Variants in TMUB2 observed in about 807,000 individuals in gnomAD.
TMUB2 encodes transmembrane and ubiquitin-like domain-containing protein 2.
A neutral mutation model predicts 20.2 loss-of-function variants in TMUB2; 19 were observed. The ratio of observed to expected loss-of-function variants is 0.94; its 90% CI spans 0.66 to 1.38. The LOEUF (loss-of-function observed/expected upper bound fraction) is 1.38. Among genes scored for constraint, TMUB2 ranks in the 40% most tolerant of loss-of-function variants. The probability of loss-of-function intolerance (pLI) is 0.00; values close to 1 mark genes in which losing one functional copy is unlikely to be tolerated. For missense variants in TMUB2, 426 were observed against 402.5 expected, an observed-to-expected ratio of 1.06 and a Z score of -0.50; for synonymous variants, 186 against 166.0, an observed-to-expected ratio of 1.12 and a Z score of -0.92.
In TMUB2 at chr17:44,191,834, C is replaced by A; in HGVS notation, c.*970C>A. 1.5e-6 allele frequency: 1 copy of A among 666,444 alleles called. No homozygotes were observed. The highest frequency in any genetic ancestry group is 1.9e-6 in the Non-Finnish European group (1 of 538,862). 41.3% of individuals were successfully genotyped at this position (666,444 alleles called of 1,614,324 possible). A position where few individuals can be genotyped will look rare whatever the true frequency, so the allele number is the denominator to read the frequency against. The stretch of plus-strand genomic sequence containing the variant: ...AACGGGAGATGCAGTTTATTTACAC[C>A]AGCAGCCATGGGGGCAGAGGGAATA... On this transcript the variant is annotated 3_prime_UTR_variant, in exon 4 of 4. Coordinates refer to ENST00000538716, the MANE Select transcript of TMUB2 (RefSeq NM_001076674.3).
Position 44,191,154 on chromosome 17 carries a change from T to A in TMUB2, c.*290T>A. 1 of 1,149,590 alleles carries A rather than the reference T, an allele frequency of 8.7e-7. No homozygotes were observed. The highest frequency in any genetic ancestry group is 1.1e-6 in the Non-Finnish European group (1 of 931,162). The allele number at this position is 1,149,590 out of a possible 1,614,324, so 71.2% of individuals were successfully genotyped here. ...TGCTGGCCAAGCTCAGTGGGGAGCC[T>A]GGGCTCTGAGATTCCCTCCCACCTG... On this transcript the variant is annotated 3_prime_UTR_variant, in exon 4 of 4. Coordinates refer to ENST00000538716, the MANE Select transcript of TMUB2 (RefSeq NM_001076674.3).
intron 2 of TMUB2, chr17:44,188,760 C>G: frequency 2.3e-6 from 1 of 435,918 alleles, no homozygotes; most frequent in East Asian, 3.9e-5. Flanking sequence ...CCTGCTGATC[C>G]ACACTCATTG....
Position 44,189,541 on chromosome 17 carries a change from G to A in TMUB2, c.555G>A (p.Glu185=), listed in dbSNP as rs753887263. 2.5e-6 allele frequency: 4 copies of A among 1,612,558 alleles called. No homozygotes were observed. Among genetic ancestry groups the A allele is most frequent in the Non-Finnish European group, 3.4e-6 (4 of 1,179,260 alleles). The change falls in exon 3 of 4, where the codon GAG becomes GAA. Residue 185 remains glutamate, a synonymous_variant. Coordinates refer to ENST00000538716, the MANE Select transcript of TMUB2 (RefSeq NM_001076674.3). The stretch of plus-strand genomic sequence containing the variant: ...GGCTCAAATTCCTCAATGATACCGA[G>A]GAGCTGGCTGTGGCTAGGCCAGAGG... ...TVRLKFLNDT[E]ELAVARPEDT...
In TMUB2 at chr17:44,189,069, T is replaced by G; in HGVS notation, c.83T>G (p.Leu28Arg). 5 of 1,614,034 alleles carry G rather than the reference T, an allele frequency of 3.1e-6. No individual in the cohort carries two copies. The highest frequency in any genetic ancestry group is 4.2e-6 in the Non-Finnish European group (5 of 1,179,994). Reference sequence around the variant, plus strand: ...GCCATGGAGCTCTCTGATGTCACCCTCATTGAGGGTGTGGGTAATGAGGTG... The same window carrying G: ...GCCATGGAGCTCTCTGATGTCACCCGCATTGAGGGTGTGGGTAATGAGGTG... ...SQAMELSDVT[L>R]IEGVGNEVMV... Residue 28 changes from leucine to arginine, a missense_variant, in exon 3 of 4, where the codon CTC becomes CGC. Coordinates refer to ENST00000538716, the MANE Select transcript of TMUB2 (RefSeq NM_001076674.3).
At position 44,191,652 on chromosome 17, in the gene TMUB2, T is replaced by C; in HGVS notation, c.*788T>C. On this transcript the variant is annotated 3_prime_UTR_variant, in exon 4 of 4. Coordinates refer to ENST00000538716, the MANE Select transcript of TMUB2 (RefSeq NM_001076674.3). ...ACTCCAAGGACTGGGTATGGATTGC[T>C]GGGCCCTAGGCTCTTGCTTCTGGGG... The C allele has an allele frequency of 3.0e-6, 3 of 985,832 alleles. No homozygotes were observed. The highest frequency in any genetic ancestry group is 3.6e-6 in the Non-Finnish European group (3 of 829,944). The allele number at this position is 985,832 out of a possible 1,614,324, so 61.1% of individuals were successfully genotyped here. A position where few individuals can be genotyped will look rare whatever the true frequency, so the allele number is the denominator to read the frequency against.
In TMUB2 at chr17:44,190,482, A is replaced by G. The variant is rs752944282; in HGVS notation, c.603-19A>G. ...TTCCTCACCCTCTATCTTTTCTTCC[A>G]TGTCTTTCATCCTTACAGCAAATAC... is the stretch of plus-strand genomic sequence containing the variant. On this transcript the variant is annotated intron_variant, in intron 3 of 3. Transcript: ENST00000538716. 5.7e-6 allele frequency: 9 copies of G among 1,568,456 alleles called. No homozygotes were observed. The highest frequency in any genetic ancestry group is 7.8e-6 in the Non-Finnish European group (9 of 1,154,386).
chr17:44,191,341 G>A lies in TMUB2; in HGVS notation c.*477G>A, dbSNP rs115478072. 6.4e-4 allele frequency: 629 copies of A among 989,334 alleles called. 10 individuals are homozygous for A. The African/African-American group carries it at 9.4e-3, about 15-fold the overall frequency. The allele number at this position is 989,334 out of a possible 1,614,324, so 61.3% of individuals were successfully genotyped here. ...CTTTTGAGACTGAAATCACACTGGC[G>A]GGAATGAAGATTGTGCCAGCCTTCT... On this transcript the variant is annotated 3_prime_UTR_variant, in exon 4 of 4. Coordinates refer to ENST00000538716, the MANE Select transcript of TMUB2 (RefSeq NM_001076674.3).
chr17:44,191,854 G>C lies in TMUB2; in HGVS notation c.*990G>C, dbSNP rs2055652934. On this transcript the variant is annotated 3_prime_UTR_variant, in exon 4 of 4. Transcript: ENST00000538716. ...TACACCAGCAGCCATGGGGGCAGAG[G>C]GAATACACAGCGTTTACAAAGTTAG... is the stretch of plus-strand genomic sequence containing the variant. The C allele has an allele frequency of 2.1e-6, 1 of 474,252 alleles. No homozygotes were observed. Among genetic ancestry groups the C allele is most frequent in the African/African-American group, 2.1e-5 (1 of 46,738 alleles). The allele number at this position is 474,252 out of a possible 1,614,324, so 29.4% of individuals were successfully genotyped here.
Position 44,190,643 on chromosome 17 carries a change from G to A in TMUB2, c.745G>A (p.Val249Ile). ...CCACCGCTCACCCCCAGGGTCAGCTGTTCCAGGCCCCTCAGCCTCCTTGGC... is the reference window on the plus strand; with the variant it reads ...CCACCGCTCACCCCCAGGGTCAGCTATTCCAGGCCCCTCAGCCTCCTTGGC... ...HCHRSPPGSA[V>I]PGPSASLAPS... The change falls in exon 4 of 4, where the codon GTT (valine) becomes ATT (isoleucine). Residue 249 changes from valine (V) to isoleucine (I), a missense_variant. Coordinates refer to ENST00000538716, the MANE Select transcript of TMUB2 (RefSeq NM_001076674.3). 6.2e-7 allele frequency: 1 copy of A among 1,614,252 alleles called. No individual in the cohort carries two copies. Among genetic ancestry groups the A allele is most frequent in the Non-Finnish European group, 8.5e-7 (1 of 1,180,052 alleles).
Position 44,189,904 on chromosome 17 carries a change from A to ATTG in TMUB2, c.602+316_602+317insTTG, listed in dbSNP as rs2144338905. On this transcript the variant is annotated intron_variant, in intron 3 of 3. Coordinates refer to ENST00000538716, the MANE Select transcript of TMUB2 (RefSeq NM_001076674.3). ...CGCACGCCTGCAATCCCAGCTACTC[A>ATTG]GGAGGCTGAGGCAGGAGAATCGCTT... is the stretch of plus-strand genomic sequence containing the variant. 2 of 207,756 alleles carry ATTG rather than the reference A, an allele frequency of 9.6e-6. 1 individual carries two copies. The highest frequency in any genetic ancestry group is 4.6e-5 in the African/African-American group (2 of 43,118). 12.9% of individuals were successfully genotyped at this position (207,756 alleles called of 1,614,324 possible). A position where few individuals can be genotyped will look rare whatever the true frequency, so the allele number is the denominator to read the frequency against.
rs758913206 is a variant in TMUB2 at position 44,190,901 on chromosome 17, C to T, written c.*37C>T. 6 of 1,560,874 alleles carry T rather than the reference C, an allele frequency of 3.8e-6. 1 individual carries two copies. The highest frequency in any genetic ancestry group is 3.7e-5 in the Admixed American group (2 of 54,452). ...GAAAATGAAAGGCATGGTCTTTCTC[C>T]TTTACGGCCTCCCCACTTTTCCTGG... On this transcript the variant is annotated 3_prime_UTR_variant, in exon 4 of 4. Transcript: ENST00000538716.
At position 44,191,579 on chromosome 17, in the gene TMUB2, G is replaced by A. The variant is rs1173801384; in HGVS notation, c.*715G>A. The A allele has an allele frequency of 2.0e-6, 2 of 985,948 alleles. No homozygotes were observed. Among genetic ancestry groups the A allele is most frequent in the African/African-American group, 1.7e-5 (1 of 57,262 alleles). 61.1% of individuals were successfully genotyped at this position (985,948 alleles called of 1,614,324 possible). Reference sequence around the variant, plus strand: ...CTGCTGCTCCCGTAGTCCTCAGGCTGTAAGCAAGAGACAGCACTGGCCCTT... The same window carrying A: ...CTGCTGCTCCCGTAGTCCTCAGGCTATAAGCAAGAGACAGCACTGGCCCTT... On this transcript the variant is annotated 3_prime_UTR_variant, in exon 4 of 4. Coordinates refer to ENST00000538716, the MANE Select transcript of TMUB2 (RefSeq NM_001076674.3).
In TMUB2 at chr17:44,189,208, C is replaced by T. The variant is rs756840587; in HGVS notation, c.222C>T (p.Gly74=). ...NQLLGAIVSA[G]DTSVLHLGHV... ...TCCTGGGCGCTATTGTGTCAGCAGG[C>T]GACACATCCGTCCTCCACCTGGGGC... is the stretch of plus-strand genomic sequence containing the variant. Residue 74 remains glycine (G), a synonymous_variant, in exon 3 of 4, where the codon GGC becomes GGT. Transcript: ENST00000538716. 2.2e-5 allele frequency: 35 copies of T among 1,613,814 alleles called. No individual in the cohort carries two copies. The highest frequency in any genetic ancestry group is 4.5e-5 in the East Asian group (2 of 44,900).
At chr17:44,188,219 A>G (rs1236957165) in intron 2 of TMUB2, among the ~76,000 whole-genome samples, 1 of 152,160 alleles carries the variant, frequency 6.6e-6, no homozygotes, top group Non-Finnish European at 1.5e-5. Context: ...AGACTGAGAT[A>G]TGGATTGTGA....
Position 44,189,453 on chromosome 17 carries a change from A to T in TMUB2, c.467A>T (p.Glu156Val). ...GCAGGTGCAGGCAGCAGCAGTCCAG[A>T]GGCCCCCCTGAGATCTGAGGATAGC... is the stretch of plus-strand genomic sequence containing the variant. ...RQAGAGSSSP[E>V]APLRSEDSTC... Residue 156 changes from glutamate (E) to valine (V), a missense_variant, in exon 3 of 4, where the codon GAG becomes GTG. By Grantham distance (121) the Glu-to-Val change is moderately radical. Coordinates refer to ENST00000538716, the MANE Select transcript of TMUB2 (RefSeq NM_001076674.3). 1.2e-6 allele frequency: 2 copies of T among 1,614,096 alleles called. No homozygotes were observed. Among genetic ancestry groups the T allele is most frequent in the Non-Finnish European group, 1.7e-6 (2 of 1,179,996 alleles).
At position 44,190,715 on chromosome 17, in the gene TMUB2, C is replaced by T; in HGVS notation, c.817C>T (p.Leu273Phe). ...PPSLGVNVGS[L>F]MVPVFVVLLG... is the part of the protein sequence containing the mutation. ...CAGCCTTGGTGTCAATGTGGGCAGC[C>T]TCATGGTGCCTGTCTTTGTGGTGCT... The change falls in exon 4 of 4, where the codon CTC becomes TTC. Residue 273 changes from leucine to phenylalanine, a missense_variant. Leu to Phe is a conservative substitution (Grantham distance 22). Coordinates refer to ENST00000538716, the MANE Select transcript of TMUB2 (RefSeq NM_001076674.3). 1 of 1,614,264 alleles carries T rather than the reference C, an allele frequency of 6.2e-7. No homozygotes were observed. Among genetic ancestry groups the T allele is most frequent in the Non-Finnish European group, 8.5e-7 (1 of 1,180,052 alleles).
At position 44,191,729 on chromosome 17, in the gene TMUB2, G is replaced by A; in HGVS notation, c.*865G>A. On this transcript the variant is annotated 3_prime_UTR_variant, in exon 4 of 4. Transcript: ENST00000538716. ...GAATAAAGTTCCATTTTGTGGTCCT[G>A]CAGCCTCTTTCTGTGACAGAGAATG... The A allele has an allele frequency of 1.0e-6, 1 of 985,674 alleles. No homozygotes were observed. The highest frequency in any genetic ancestry group is 1.7e-5 in the African/African-American group (1 of 57,334). 61.1% of individuals were successfully genotyped at this position (985,674 alleles called of 1,614,324 possible).
chr17:44,191,236 G>A lies in TMUB2; in HGVS notation c.*372G>A. ...CTGCCCCCAGCACCCAGGGCTGCCTGCAAGGGCAGCTCAGCATGGCCCCAG... is the reference window on the plus strand; with the variant it reads ...CTGCCCCCAGCACCCAGGGCTGCCTACAAGGGCAGCTCAGCATGGCCCCAG... On this transcript the variant is annotated 3_prime_UTR_variant, in exon 4 of 4. Coordinates refer to ENST00000538716, the MANE Select transcript of TMUB2 (RefSeq NM_001076674.3). The A allele has an allele frequency of 1.9e-6, 2 of 1,037,052 alleles. No homozygotes were observed. Among genetic ancestry groups the A allele is most frequent in the Non-Finnish European group, 2.3e-6 (2 of 861,148 alleles). 64.2% of individuals were successfully genotyped at this position (1,037,052 alleles called of 1,614,324 possible).
intron 2 of TMUB2, 154 bp downstream of exon 2, chr17:44,187,897 T>A: frequency 1.5e-6 from 1 of 654,210 alleles, no homozygotes; most frequent in South Asian, 1.7e-5. Flanking sequence ...GATGTTGATG[T>A]GTTCCACAGA....
Sources: gnomAD v4.1 joint callset for allele counts (sites outside exome capture counted in the v4.1 genomes callset) on GRCh38, gnomAD v4.1.1 for gene constraint, MANE v1.5 for transcripts, NCBI Gene and HGNC (gene_info 2026-07-23, HGNC 2026-07-21) for gene names.